The following UNC13C variants were observed in gnomAD, a reference collection of about 807,000 sequenced individuals.
The protein encoded by UNC13C is unc-13 homolog C, also known as protein unc-13 homolog C.
UNC13C carries 174 observed loss-of-function variants against 245.4 expected under a neutral mutation model. That is an observed-to-expected ratio of 0.71 (90% CI 0.63 to 0.80). The LOEUF is 0.80. Among genes scored for constraint, UNC13C ranks in the 30% least tolerant of loss-of-function variants. The pLI, the probability that UNC13C is intolerant of heterozygous loss-of-function variation, is 0.00. For synonymous variants in UNC13C, 992 were observed against 895.1 expected (o/e 1.11, Z -1.93); for missense variants, 2,829 against 2,602.9 (o/e 1.09, Z -1.89).
intron 2 of UNC13C, among the ~76,000 whole-genome samples, chr15:54,125,637 T>C (rs2141203332): frequency 6.6e-6 from 1 of 152,292 alleles, no homozygotes. Flanking sequence ...ATAGGGAGTG[T>C]AATAGGGAAA....
the UNC13C span, among the ~76,000 whole-genome samples, chr15:53,962,674 C>G: frequency 6.6e-6 from 1 of 152,166 alleles, no homozygotes; most frequent in East Asian, 1.9e-4. Flanking sequence ...CCATGCTCAT[C>G]AGATAACTGG....
chr15:53,979,326 G>A (rs957182566), intron 1 of UNC13C, among the ~76,000 whole-genome samples: 2 of 125,218 alleles, frequency 1.6e-5, no homozygotes, highest in Non-Finnish European at 3.6e-5. Context: ...TAAAAGCCAA[G>A]ATGTCATACA....
At chr15:54,270,793 G>A (rs997621911) in intron 10 of UNC13C, among the ~76,000 whole-genome samples, 1 of 152,076 alleles carries the variant, frequency 6.6e-6, no homozygotes, top group African/African-American at 2.4e-5. Context: ...ATGGGTTGTA[G>A]TACATTCGAC....
At chr15:54,567,508 G>A (rs1897565803) in intron 29 of UNC13C, among the ~76,000 whole-genome samples, 2 of 152,080 alleles carry the variant, frequency 1.3e-5, no homozygotes, top group African/African-American at 4.8e-5. Context: ...CATTCTATAA[G>A]GATTCTGACT....
At chr15:53,998,139 T>C (rs1387534618) in intron 1 of UNC13C, among the ~76,000 whole-genome samples, 1 of 152,160 alleles carries the variant, frequency 6.6e-6, no homozygotes, top group Admixed American at 6.6e-5. Flanking sequence ...TTAAGTATTC[T>C]AGAATCTTTC....
rs1036872405 is a variant in UNC13C at position 54,555,507 on chromosome 15, A to G, written c.5953A>G (p.Ile1985Val). The G allele has an allele frequency of 1.9e-6, 3 of 1,610,500 alleles. No homozygotes were observed. The highest frequency in any genetic ancestry group is 1.7e-5 in the Admixed American group (1 of 59,682). Reference protein sequence around the residue: ...CAIMEVVLATIKQYFHAGGNG... With the variant: ...CAIMEVVLATVKQYFHAGGNG... ...TATAATGGAGGTAGTCCTGGCTACC[A>G]TCAAGGTGAGATTATAATGCTCCTA... Residue 1985 changes from isoleucine to valine, a missense_variant, in exon 29 of 33, where the codon ATC becomes GTC. Physicochemically the swap from Ile to Val is conservative, Grantham distance 29. Coordinates refer to ENST00000260323, the MANE Select transcript of UNC13C (RefSeq NM_001080534.3).
intron 4 of UNC13C, among the ~76,000 whole-genome samples, chr15:54,208,619 G>T (rs1052408838): frequency 8.6e-5 from 13 of 152,046 alleles, no homozygotes; most frequent in Non-Finnish European, 1.5e-4. Context: ...ATGTGTGTAT[G>T]ATGGTCATAA....
chr15:54,436,939 T>C (rs950753581), intron 19 of UNC13C, among the ~76,000 whole-genome samples: 3 of 151,942 alleles, frequency 2.0e-5, no homozygotes, highest in African/African-American at 7.2e-5. Context: ...AAGCAAAAAG[T>C]ACGTAACAAA....
intron 2 of UNC13C, among the ~76,000 whole-genome samples, chr15:54,126,380 G>T (rs1009893515): frequency 9.9e-5 from 15 of 151,986 alleles, no homozygotes; most frequent in African/African-American, 3.4e-4. Context: ...TAACAAAGAG[G>T]CACATTATAT....
chr15:54,040,898 G>C (rs1896781977), intron 2 of UNC13C, among the ~76,000 whole-genome samples: 1 of 152,176 alleles, frequency 6.6e-6, no homozygotes, highest in Admixed American at 6.5e-5. Flanking sequence ...TACTGTCTCA[G>C]TGAGACTTAT....
intron 8 of UNC13C, among the ~76,000 whole-genome samples, chr15:54,262,185 T>A (rs1183653442): frequency 6.6e-6 from 1 of 152,240 alleles, no homozygotes; most frequent in Non-Finnish European, 1.5e-5. Flanking sequence ...GGTAGTTAGA[T>A]GGGCTCTTCC....
intron 19 of UNC13C, among the ~76,000 whole-genome samples, chr15:54,456,069 T>C (rs1317901137): frequency 1.3e-5 from 2 of 152,196 alleles, no homozygotes; most frequent in Non-Finnish European, 2.9e-5. Context: ...AGATCCAGTT[T>C]TATTCTTCTA....
chr15:54,034,017 T>C (rs1896470963), intron 2 of UNC13C, among the ~76,000 whole-genome samples: 1 of 152,210 alleles, frequency 6.6e-6, no homozygotes, highest in Non-Finnish European at 1.5e-5. Flanking sequence ...ATGATTTAAA[T>C]AGTGCTAGCG....
At chr15:54,348,659 C>T (rs1230849245) in intron 17 of UNC13C, among the ~76,000 whole-genome samples, 1 of 152,094 alleles carries the variant, frequency 6.6e-6, no homozygotes, top group Admixed American at 6.6e-5. Context: ...AACGTCCATG[C>T]TTGTTTTGTG....
At chr15:54,165,462 G>C (rs1284738848) in intron 4 of UNC13C, among the ~76,000 whole-genome samples, 4 of 152,104 alleles carry the variant, frequency 2.6e-5, no homozygotes, top group Admixed American at 6.5e-5. Context: ...TGAGGAAATT[G>C]AGGGATAAAG....
intron 2 of UNC13C, among the ~76,000 whole-genome samples, chr15:54,099,488 C>A (rs1380139858): frequency 1.3e-5 from 2 of 152,124 alleles, no homozygotes; most frequent in Non-Finnish European, 2.9e-5. Flanking sequence ...CTTCCTAATA[C>A]CCCAAGATGG....
At chr15:54,203,749 T>C (rs1387781025) in intron 4 of UNC13C, among the ~76,000 whole-genome samples, 1 of 101,104 alleles carries the variant, frequency 9.9e-6, no homozygotes, top group African/African-American at 3.0e-5. Flanking sequence ...TATATATGTA[T>C]ATATACACAT....
chr15:53,894,764 G>A, the UNC13C span, among the ~76,000 whole-genome samples: 2 of 151,990 alleles, frequency 1.3e-5, no homozygotes, highest in African/African-American at 4.8e-5. Flanking sequence ...TCATTTATTT[G>A]ACTGTAAATG....
intron 21 of UNC13C, among the ~76,000 whole-genome samples, chr15:54,500,479 G>A (rs1474261979): frequency 1.3e-5 from 2 of 151,870 alleles, no homozygotes; most frequent in African/African-American, 4.8e-5. Flanking sequence ...ACTTTTCCAG[G>A]ATTTCTAGAT....
Sources: gnomAD v4.1 joint callset for allele counts (sites outside exome capture counted in the v4.1 genomes callset) on GRCh38, gnomAD v4.1.1 for gene constraint, MANE v1.5 for transcripts, NCBI Gene and HGNC (gene_info 2026-07-23, HGNC 2026-07-21) for gene names.